The following PSD variants were observed in gnomAD, a reference collection of about 807,000 sequenced individuals.
The protein encoded by PSD is PH and SEC7 domain-containing protein 1.
A neutral mutation model predicts 91.6 loss-of-function variants in PSD; 32 were observed. That is an observed-to-expected ratio of 0.35 (90% CI 0.26 to 0.47). The LOEUF is 0.47. Among genes scored for constraint, PSD ranks in the 20% least tolerant of loss-of-function variants. The probability of loss-of-function intolerance (pLI) is 1.00; values close to 1 mark genes in which losing one functional copy is unlikely to be tolerated. For missense variants in PSD, 1,099 were observed against 1,373.9 expected, an observed-to-expected ratio of 0.80 and a Z score of 3.16; for synonymous variants, 532 against 569.3, an observed-to-expected ratio of 0.93 and a Z score of 0.93.
chr10:102,409,747 G>A lies in PSD; in HGVS notation c.2091+1111C>T, dbSNP rs1039460041. 7.2e-5 allele frequency among the ~76,000 whole-genome samples: 11 copies of A among 151,940 alleles called. No homozygotes were observed. The highest frequency in any genetic ancestry group is 7.4e-5 in the Non-Finnish European group (5 of 68,004). ...CACCAGTTCACGGTCACCCCAACTC[G>A]CAGACACTACCCATTCAGATGGACA... On this transcript the variant is annotated intron_variant, in intron 10 of 16. Transcript: ENST00000020673. This position sits in a 1 kb window ranked among gnomAD's most constrained non-coding sequence, Gnocchi z 5.7.
Position 102,402,970 on chromosome 10 carries a change from CTGTACG to C in PSD, c.*224_*229del. 4.6e-6 allele frequency: 1 copy of C among 215,126 alleles called. No homozygotes were observed. The highest frequency in any genetic ancestry group is 9.3e-6 in the Non-Finnish European group (1 of 107,746). The allele number at this position is 215,126 out of a possible 1,614,324, so 13.3% of individuals were successfully genotyped here. A position where few individuals can be genotyped will look rare whatever the true frequency, so the allele number is the denominator to read the frequency against. ...CTAGCCCCTCCCGCCCCCGCCCACC[CTGTACG>C]AAAAAGTGCAAAACATTATCACAAA... is the stretch of plus-strand genomic sequence containing the variant. On this transcript the variant is annotated 3_prime_UTR_variant, in exon 17 of 17. Transcript: ENST00000020673.
chr10:102,409,215 G>T lies in PSD; in HGVS notation c.2091+1643C>A, dbSNP rs2061399903. ...CAGCGCGAGCGGCGCGGCCCGGCCC[G>T]AGCCGGCCCGGCTCTCACGGACGCA... is the stretch of plus-strand genomic sequence containing the variant. On this transcript the variant is annotated intron_variant, in intron 10 of 16. Coordinates refer to ENST00000020673, the MANE Select transcript of PSD (RefSeq NM_002779.5). The surrounding 1 kb of genome is among the most constrained non-coding windows in gnomAD (Gnocchi z 5.7). The T allele has an allele frequency of 3.1e-6, 3 of 982,570 alleles. No homozygotes were observed. Among genetic ancestry groups the T allele is most frequent in the Admixed American group, 6.3e-5 (1 of 15,982 alleles). 60.9% of individuals were successfully genotyped at this position (982,570 alleles called of 1,614,324 possible).
In PSD at chr10:102,414,953, A is replaced by C; in HGVS notation, c.1034T>G (p.Leu345Arg). 6.4e-7 allele frequency: 1 copy of C among 1,560,344 alleles called. No individual in the cohort carries two copies. The highest frequency in any genetic ancestry group is 8.7e-7 in the Non-Finnish European group (1 of 1,147,010). ...PGPLPGPHPS[L>R]GSGNEDEDDD... ...GTCCTCATCCTCATTGCCACTGCCGAGGCTGGGATGAGGGCCAGGGAGTGG... is the reference window on the plus strand; with the variant it reads ...GTCCTCATCCTCATTGCCACTGCCGCGGCTGGGATGAGGGCCAGGGAGTGG... Residue 345 changes from leucine (L) to arginine (R), a missense_variant, in exon 4 of 17, where the codon CTC (leucine) becomes CGC (arginine). By Grantham distance (102) the Leu-to-Arg change is moderately radical. This residue lies in a region of PSD where 631 missense variants were observed against 728.8 expected (regional missense o/e 0.87). Coordinates refer to ENST00000020673, the MANE Select transcript of PSD (RefSeq NM_002779.5). This position sits in a 1 kb window ranked among gnomAD's most constrained non-coding sequence, Gnocchi z 5.6.
chr10:102,407,393 C>T (rs1287896454), intron 10 of PSD, 127 bp from the exon 11 acceptor site: 7 of 565,346 alleles, frequency 1.2e-5, no homozygotes, highest in African/African-American at 9.8e-5. Flanking sequence ...ATATAATGAC[C>T]AAAAATACAG....
At chr10:102,407,531 AG>A (rs1330275876) in intron 10 of PSD, among the ~76,000 whole-genome samples, 20 of 152,162 alleles carry the variant, frequency 1.3e-4, no homozygotes, top group Admixed American at 6.5e-5. Context: ...TCCCAGCACA[AG>A]GCTGACGCAC....
Position 102,409,303 on chromosome 10 carries a change from G to T in PSD, c.2091+1555C>A. ...GCGGCTTGGCTAGAGCGGGAGGGGG[G>T]CGCCGACGGGAAAGGGAGGGCGAGG... On this transcript the variant is annotated intron_variant, in intron 10 of 16. Transcript: ENST00000020673. This position sits in a 1 kb window ranked among gnomAD's most constrained non-coding sequence, Gnocchi z 5.7. 1.0e-6 allele frequency: 1 copy of T among 985,532 alleles called. No homozygotes were observed. The highest frequency in any genetic ancestry group is 4.6e-5 in the South Asian group (1 of 21,804). The allele number at this position is 985,532 out of a possible 1,614,324, so 61.0% of individuals were successfully genotyped here.
chr10:102,411,624 AT>A, intron 8 of PSD, 82 bp downstream of exon 8: 1 of 1,000,780 alleles, frequency 1.0e-6, no homozygotes, highest in Non-Finnish European at 1.6e-6. Context: ...ACACACACTC[AT>A]GCTCCTGTAC....
Position 102,402,761 on chromosome 10 carries a change from A to C in PSD, c.*439T>G. The C allele has an allele frequency of 3.9e-6, 1 of 255,774 alleles. No individual in the cohort carries two copies. The highest frequency in any genetic ancestry group is 7.5e-6 in the Non-Finnish European group (1 of 133,610). 15.8% of individuals were successfully genotyped at this position (255,774 alleles called of 1,614,324 possible). ...CCCTTCCTCCACCTCCAGCAAGAGAAAGAGTAAGCCCTTGGGGAGGAAGGA... is the reference window on the plus strand; with the variant it reads ...CCCTTCCTCCACCTCCAGCAAGAGACAGAGTAAGCCCTTGGGGAGGAAGGA... On this transcript the variant is annotated 3_prime_UTR_variant, in exon 17 of 17. Coordinates refer to ENST00000020673, the MANE Select transcript of PSD (RefSeq NM_002779.5).
rs1325039491 is a variant in PSD, at chr10:102,404,683, A to G, written c.2600T>C (p.Val867Ala). 3 of 1,606,812 alleles carry G rather than the reference A, an allele frequency of 1.9e-6. No individual in the cohort carries two copies. The highest frequency in any genetic ancestry group is 2.2e-5 in the East Asian group (1 of 44,822). Residue 867 changes from valine (V) to alanine (A), a missense_variant, in exon 15 of 17, where the codon GTA (valine) becomes GCA (alanine). By Grantham distance (64) the Val-to-Ala change is moderately conservative. Transcript: ENST00000020673. This position sits in a 1 kb window ranked among gnomAD's most constrained non-coding sequence, Gnocchi z 5.7. Reference sequence around the variant, plus strand: ...GGGGGGCGCAGAGAACATAGCGGCTACTACATTGATGCGAGTGATCCAGGA... The same window carrying G: ...GGGGGGCGCAGAGAACATAGCGGCTGCTACATTGATGCGAGTGATCCAGGA... Reference protein sequence around the residue: ...MQSWITRINVVAAMFSAPPFP... With the variant: ...MQSWITRINVAAAMFSAPPFP...
In PSD at chr10:102,415,049, G is replaced by A. The variant is rs1317204519; in HGVS notation, c.938C>T (p.Ser313Leu). 5.6e-6 allele frequency: 9 copies of A among 1,613,964 alleles called. No individual in the cohort carries two copies. The highest frequency in any genetic ancestry group is 7.6e-6 in the Non-Finnish European group (9 of 1,179,934). The change falls in exon 4 of 17, where the codon TCG becomes TTG. Residue 313 changes from serine to leucine, a missense_variant. Physicochemically the swap from Ser to Leu is moderately radical, Grantham distance 145. Coordinates refer to ENST00000020673, the MANE Select transcript of PSD (RefSeq NM_002779.5). ...AGAGCTGGGCTGACTTTCGATGGCC[G>A]AGTCGGCCTCCTCCCGCTCAGCCAG... ...EVLAEREEAD[S>L]AIESQPSSEG... is the part of the protein sequence containing the mutation.
At chr10:102,417,615 G>T (rs917111307) in intron 1 of PSD, among the ~76,000 whole-genome samples, 1 of 152,146 alleles carries the variant, frequency 6.6e-6, no homozygotes, top group African/African-American at 2.4e-5. Flanking sequence ...ATGCTGAAGG[G>T]CTGAGAGGCA....
rs1473486205 is a variant in PSD, at chr10:102,411,757, T to C, written c.1892A>G (p.His631Arg). Residue 631 changes from histidine to arginine, a missense_variant, in exon 8 of 17, where the codon CAC (histidine) becomes CGC (arginine). Coordinates refer to ENST00000020673, the MANE Select transcript of PSD (RefSeq NM_002779.5). ...ETQERERVLA[H>R]FSQRYFQCNP... ...GCACTGGAAGTATCGCTGGGAGAAG[T>C]GGGCCAGCACGCGCTCTCGTTCCTG... The C allele has an allele frequency of 3.3e-5, 54 of 1,613,640 alleles. No individual in the cohort carries two copies. The highest frequency in any genetic ancestry group is 4.5e-5 in the Non-Finnish European group (53 of 1,179,890).
In PSD at chr10:102,413,749, G is replaced by A; in HGVS notation, c.1553+20C>T. ...GAGCCCTGGGGGCCTCAAGTCTGAG[G>A]GACAAAAGGAATTACTTACCTGCCA... On this transcript the variant is annotated intron_variant, in intron 5 of 16. Coordinates refer to ENST00000020673, the MANE Select transcript of PSD (RefSeq NM_002779.5). 1 of 1,592,196 alleles carries A rather than the reference G, an allele frequency of 6.3e-7. No homozygotes were observed. Among genetic ancestry groups the A allele is most frequent in the Non-Finnish European group, 8.6e-7 (1 of 1,166,828 alleles).
At position 102,404,422 on chromosome 10, in the gene PSD, G is replaced by A. The variant is rs1046182005; in HGVS notation, c.2700+161C>T. ...ATGTTTGGGTTCCCAGCCGGCAAGC[G>A]GGACCCAGTGGGGGCTGGATTTCAG... On this transcript the variant is annotated intron_variant, in intron 15 of 16. Transcript: ENST00000020673. This position sits in a 1 kb window ranked among gnomAD's most constrained non-coding sequence, Gnocchi z 5.7. Among the ~76,000 whole-genome samples the A allele has an allele frequency of 3.3e-5, 5 of 151,886 alleles. No individual in the cohort carries two copies. The highest frequency in any genetic ancestry group is 1.2e-4 in the African/African-American group (5 of 41,318).
Position 102,405,259 on chromosome 10 carries a change from G to T in PSD, c.2327-6C>A. Reference sequence around the variant, plus strand: ...GCCCCGCTTGCCCCGAGGTGCTGCGGGGAGAGAAGACAGGTCAGGGGGCCC... The same window carrying T: ...GCCCCGCTTGCCCCGAGGTGCTGCGTGGAGAGAAGACAGGTCAGGGGGCCC... On this transcript the variant is annotated splice_region_variant and splice_polypyrimidine_tract_variant and intron_variant, in intron 12 of 16. Transcript: ENST00000020673. The surrounding 1 kb of genome is among the most constrained non-coding windows in gnomAD (Gnocchi z 5.4). 7 of 1,610,616 alleles carry T rather than the reference G, an allele frequency of 4.3e-6. No homozygotes were observed. Among genetic ancestry groups the T allele is most frequent in the Non-Finnish European group, 5.1e-6 (6 of 1,179,864 alleles).
chr10:102,418,826 C>G (rs2061518859), upstream of PSD: 2 of 414,362 alleles, frequency 4.8e-6, no homozygotes, highest in Admixed American at 5.0e-5. Flanking sequence ...CCCCTACCCC[C>G]TACGCGCCGC....
chr10:102,415,759 T>C (rs2061471819), intron 3 of PSD, among the ~76,000 whole-genome samples: 1 of 152,208 alleles, frequency 6.6e-6, no homozygotes, highest in Admixed American at 6.5e-5. Context: ...GAGCCTCTTT[T>C]CTACTCCATG....
intron 11 of PSD, 80 bp downstream of exon 11, chr10:102,407,143 T>C: frequency 1.9e-6 from 2 of 1,077,054 alleles, no homozygotes; most frequent in South Asian, 1.5e-5. Flanking sequence ...ACCCAGGGCC[T>C]ACCCCAGCTC....
Position 102,402,738 on chromosome 10 carries a change from C to A in PSD, c.*462G>T. On this transcript the variant is annotated 3_prime_UTR_variant, in exon 17 of 17. Transcript: ENST00000020673. The stretch of plus-strand genomic sequence containing the variant: ...GGTATGGGGCCTTGGCATGGACGCC[C>A]TTCCTCCACCTCCAGCAAGAGAAAG... 1 of 275,638 alleles carries A rather than the reference C, an allele frequency of 3.6e-6. No homozygotes were observed. Among genetic ancestry groups the A allele is most frequent in the Non-Finnish European group, 6.8e-6 (1 of 146,380 alleles). 17.1% of individuals were successfully genotyped at this position (275,638 alleles called of 1,614,324 possible).
Sources: allele counts gnomAD v4.1 joint callset (sites outside exome capture counted in the v4.1 genomes callset), GRCh38; gene constraint gnomAD v4.1.1; regional missense constraint gnomAD v4.1.1; non-coding constraint Gnocchi (gnomAD v3.1); transcripts MANE v1.5; gene names NCBI Gene and HGNC (gene_info 2026-07-23, HGNC 2026-07-21).